The following PCDHA6 variants were observed in gnomAD, a reference collection of about 807,000 sequenced individuals.
PCDHA6 encodes protocadherin alpha-6.
In PCDHA6, 55 loss-of-function variants were observed where a neutral mutation model predicts 60.3. The ratio of observed to expected loss-of-function variants is 0.91; its 90% confidence interval spans 0.73 to 1.14. The LOEUF (loss-of-function observed/expected upper bound fraction) is 1.14. PCDHA6 is among the 50% of genes most tolerant of loss of function. PCDHA6 has a pLI of 0.00. For missense variants in PCDHA6, 1,327 were observed against 1,256.5 expected, an observed-to-expected ratio of 1.06 and a Z score of -0.85; for synonymous variants, 652 against 557.9, an observed-to-expected ratio of 1.17 and a Z score of -2.38.
chr5:140,985,895 A>G (rs782549334), intron 3 of PCDHA6, among the ~76,000 whole-genome samples: 16 of 150,016 alleles, frequency 1.1e-4, no homozygotes, highest in Non-Finnish European at 1.5e-4. Flanking sequence ...GCCCGCCACC[A>G]CTCCCGTCTA....
chr5:140,854,743 GAT>G lies in PCDHA6; in HGVS notation c.2394+24263_2394+24264del, dbSNP rs1554147428. The G allele has an allele frequency of 2.0e-5, 3 of 149,440 alleles. 1 individual carries two copies. The highest frequency in any genetic ancestry group is 7.4e-5 in the African/African-American group (3 of 40,774). 9.3% of individuals were successfully genotyped at this position (149,440 alleles called of 1,614,324 possible). On this transcript the variant is annotated intron_variant, in intron 1 of 3. Coordinates refer to ENST00000529310, the MANE Select transcript of PCDHA6 (RefSeq NM_018909.4). ...AACTCAAGTTTTTTTCAGCAGCACAGATATATTACATTTTCATTCCTGAATAT... is the reference window on the plus strand; with the variant it reads ...AACTCAAGTTTTTTTCAGCAGCACAGATATTACATTTTCATTCCTGAATAT...
intron 1 of PCDHA6, chr5:140,836,357 G>C: frequency 3.7e-6 from 6 of 1,613,654 alleles, no homozygotes; most frequent in Non-Finnish European, 5.1e-6. Context: ...GGGAGCCCTC[G>C]CTGACAGCCA....
chr5:140,906,646 G>GT (rs35557065), intron 1 of PCDHA6, among the ~76,000 whole-genome samples: 1 of 152,192 alleles, frequency 6.6e-6, no homozygotes, highest in Non-Finnish European at 1.5e-5. Context: ...GCAGGTAGTG[G>GT]TTTTTTCCTG....
chr5:140,870,582 G>T (rs1554164436), intron 1 of PCDHA6: 2 of 1,613,846 alleles, frequency 1.2e-6, no homozygotes, highest in Non-Finnish European at 1.7e-6. Flanking sequence ...CCTACTCGCT[G>T]GTGGAGCGGC....
chr5:140,978,653 G>A (rs527551897), intron 1 of PCDHA6, among the ~76,000 whole-genome samples: 25 of 152,314 alleles, frequency 1.6e-4, no homozygotes, highest in African/African-American at 5.5e-4. Flanking sequence ...TGTTCTTCCC[G>A]TAGTGTTTTA....
At chr5:140,878,899 G>T (rs1301967468) in intron 1 of PCDHA6, among the ~76,000 whole-genome samples, 2 of 152,152 alleles carry the variant, frequency 1.3e-5, no homozygotes, top group Non-Finnish European at 2.9e-5. Context: ...CTACAGGCAG[G>T]CTCCACCACT....
chr5:140,832,848 G>A (rs968087130), intron 1 of PCDHA6, among the ~76,000 whole-genome samples: 3 of 152,162 alleles, frequency 2.0e-5, no homozygotes, highest in Admixed American at 6.6e-5. Flanking sequence ...GAAGGAGACC[G>A]TGAAGAGTCA....
At chr5:140,926,584 C>A in intron 1 of PCDHA6, 1 of 285,402 alleles carries the variant, frequency 3.5e-6, no homozygotes, top group Non-Finnish European at 6.4e-6. Context: ...GCACCTCTCG[C>A]GCCCGGGCGG....
intron 1 of PCDHA6, chr5:140,883,519 C>G: frequency 6.2e-7 from 1 of 1,614,190 alleles, no homozygotes; most frequent in South Asian, 1.1e-5. Context: ...ACCGCGAGAG[C>G]GTATCAGCCT....
Position 140,857,393 on chromosome 5 carries a change from G to C in PCDHA6, c.2394+26908G>C, listed in dbSNP as rs146099067. On this transcript the variant is annotated intron_variant, in intron 1 of 3. Coordinates refer to ENST00000529310, the MANE Select transcript of PCDHA6 (RefSeq NM_018909.4). The stretch of plus-strand genomic sequence containing the variant: ...GTCTGTGGAGGTGGCCGACGTGAAC[G>C]ACAACGCGCCTGCGTTCGCGCAGTC... The C allele has an allele frequency of 3.2e-4, 519 of 1,598,492 alleles. 32 individuals carry two copies. In the African/African-American group the frequency reaches 5.9e-3, roughly 18 times the overall value.
At chr5:140,944,439 G>A (rs1022400391) in intron 1 of PCDHA6, among the ~76,000 whole-genome samples, 7 of 152,022 alleles carry the variant, frequency 4.6e-5, no homozygotes, top group African/African-American at 1.2e-4. Context: ...TGCCTGCCTC[G>A]GCCTCCCAAA....
At chr5:140,830,615 T>C in intron 1 of PCDHA6, 130 bp downstream of exon 1, 1 of 612,998 alleles carries the variant, frequency 1.6e-6, no homozygotes, top group African/African-American at 1.9e-5. Flanking sequence ...TTCATTTTAT[T>C]GTGTTTCTTA....
chr5:140,864,430 A>G (rs2048477187), intron 1 of PCDHA6: 1 of 152,190 alleles, frequency 6.6e-6, no homozygotes, highest in South Asian at 2.1e-4. Flanking sequence ...GTCCACAAAC[A>G]ATTTTGTTTC....
At chr5:140,942,545 G>C (rs981508818) in intron 1 of PCDHA6, among the ~76,000 whole-genome samples, 4 of 151,970 alleles carry the variant, frequency 2.6e-5, no homozygotes, top group African/African-American at 9.7e-5. Context: ...ATGGTGGGGG[G>C]TAGGGGGTTG....
In PCDHA6 at chr5:140,857,359, G is replaced by C. The variant is rs200721411; in HGVS notation, c.2394+26874G>C. 31 of 1,598,398 alleles carry C rather than the reference G, an allele frequency of 1.9e-5. 2 individuals carry two copies. In the African/African-American group the frequency reaches 2.4e-4, roughly 12 times the overall value. The stretch of plus-strand genomic sequence containing the variant: ...GGGGCTCGCCTCCGCTGTGGGCCAC[G>C]GCCAGCGTGTCTGTGGAGGTGGCCG... On this transcript the variant is annotated intron_variant, in intron 1 of 3. Transcript: ENST00000529310.
intron 1 of PCDHA6, among the ~76,000 whole-genome samples, chr5:140,879,706 A>T (rs2058090742): frequency 6.6e-6 from 1 of 152,246 alleles, no homozygotes; most frequent in African/African-American, 2.4e-5. Context: ...ATTATTTCTC[A>T]GTATTGGAGA....
At chr5:140,927,725 C>CA in intron 1 of PCDHA6, 1 of 1,614,202 alleles carries the variant, frequency 6.2e-7, no homozygotes, top group Non-Finnish European at 8.5e-7. Context: ...AGCACGCAAG[C>CA]AGAGCTGCGA....
chr5:140,884,610 G>A (rs1554181783), intron 1 of PCDHA6: 1 of 1,614,138 alleles, frequency 6.2e-7, no homozygotes, highest in South Asian at 1.1e-5. Context: ...CCTTGTCTGG[G>A]TTCTGCAGAG....
chr5:140,971,184 A>C (rs1431296656), intron 1 of PCDHA6, among the ~76,000 whole-genome samples: 1 of 152,188 alleles, frequency 6.6e-6, no homozygotes, highest in African/African-American at 2.4e-5. Context: ...TGTAAGCCGG[A>C]AGCTCAGAGG....
Sources: gnomAD v4.1 joint callset for allele counts (sites outside exome capture counted in the v4.1 genomes callset) on GRCh38, gnomAD v4.1.1 for gene constraint, MANE v1.5 for transcripts, NCBI Gene and HGNC (gene_info 2026-07-23, HGNC 2026-07-21) for gene names.